MON1A: variants seen among roughly 807,000 people sequenced by gnomAD.
The protein encoded by MON1A is MON1 vesicular trafficking associated A, also known as vacuolar fusion protein MON1 homolog A.
A neutral mutation model predicts 44.6 loss-of-function variants in MON1A; 29 were observed. That is an observed-to-expected ratio of 0.65 (90% CI 0.48 to 0.89). The LOEUF (loss-of-function observed/expected upper bound fraction) is 0.89. Ranked by LOEUF, MON1A falls within the 40% of genes least tolerant of loss-of-function variation. The pLI is 0.00. For synonymous variants in MON1A, 275 were observed against 316.4 expected (o/e 0.87, Z 1.39); for missense variants, 615 against 759.6 (o/e 0.81, Z 2.24).
intron 1 of MON1A, among the ~76,000 whole-genome samples, chr3:49,919,097 C>G (rs962054092): frequency 8.5e-5 from 13 of 152,164 alleles, no homozygotes; most frequent in African/African-American, 1.4e-4. Context: ...GTGGGAGAAT[C>G]ACCTGATCCC....
chr3:49,922,648 G>C (rs1410808000), intron 1 of MON1A, among the ~76,000 whole-genome samples: 1 of 148,750 alleles, frequency 6.7e-6, no homozygotes, highest in East Asian at 2.0e-4. Context: ...GGAAGGAAAA[G>C]AAGAAAGGAA....
At chr3:49,929,451 G>A in intron 1 of MON1A, 158 bp downstream of exon 1, 1 of 843,514 alleles carries the variant, frequency 1.2e-6, no homozygotes, top group Non-Finnish European at 1.9e-6. Flanking sequence ...CCCAGCTGGG[G>A]ACTAGCCGGC....
At position 49,929,616 on chromosome 3, in the gene MON1A, T is replaced by C; in HGVS notation, c.-21A>G. On this transcript the variant is annotated 5_prime_UTR_variant, in exon 1 of 6. Transcript: ENST00000296473. Reference sequence around the variant, plus strand: ...GGCTGGCAGTCAACTCACCTGTTTCTCAGAGGAGTCCAGGACGCACAGAAG... The same window carrying C: ...GGCTGGCAGTCAACTCACCTGTTTCCCAGAGGAGTCCAGGACGCACAGAAG... The C allele has an allele frequency of 1.9e-6, 3 of 1,551,538 alleles. No individual in the cohort carries two copies. The highest frequency in any genetic ancestry group is 2.6e-6 in the Non-Finnish European group (3 of 1,146,924).
chr3:49,917,324 C>T (rs1030119488), intron 1 of MON1A, among the ~76,000 whole-genome samples: 3 of 151,908 alleles, frequency 2.0e-5, no homozygotes, highest in Non-Finnish European at 2.9e-5. Flanking sequence ...CTGGCTCTGT[C>T]GCCCAGGCTG....
At chr3:49,922,857 G>A (rs974727807) in intron 1 of MON1A, among the ~76,000 whole-genome samples, 24 of 151,686 alleles carry the variant, frequency 1.6e-4, no homozygotes, top group South Asian at 8.3e-4. Flanking sequence ...GACTACAGGC[G>A]TGTGCCACCA....
chr3:49,922,275 G>A (rs1415585080), intron 1 of MON1A, among the ~76,000 whole-genome samples: 3 of 150,396 alleles, frequency 2.0e-5, no homozygotes, highest in Admixed American at 6.7e-5. Context: ...GTGAAACCCC[G>A]TCTCTATTAA....
At chr3:49,917,435 G>A (rs552305558) in intron 1 of MON1A, among the ~76,000 whole-genome samples, 7 of 152,130 alleles carry the variant, frequency 4.6e-5, no homozygotes, top group South Asian at 4.2e-4. Flanking sequence ...ATAGGCGCCC[G>A]CCACCACGCC....
intron 1 of MON1A, among the ~76,000 whole-genome samples, chr3:49,923,287 G>A (rs749395383): frequency 2.1e-5 from 3 of 141,994 alleles, no homozygotes; most frequent in Non-Finnish European, 3.1e-5. Flanking sequence ...GGTTGAGATC[G>A]CGCCACCGCA....
rs747059511 is a variant in MON1A, at chr3:49,910,069, T to A, written c.1379+50A>T. 53 of 1,522,156 alleles carry A rather than the reference T, an allele frequency of 3.5e-5. No homozygotes were observed. Among genetic ancestry groups the A allele is most frequent in the Non-Finnish European group, 4.6e-5 (52 of 1,134,944 alleles). The allele number at this position is 1,522,156 out of a possible 1,614,324, so 94.3% of individuals were successfully genotyped here. ...GCTCAGGACCAAACAGCCTCCCGAC[T>A]CCACATGTCCCTGTCCCGCTACAGC... is the stretch of plus-strand genomic sequence containing the variant. On this transcript the variant is annotated intron_variant, in intron 4 of 5. Coordinates refer to ENST00000296473, the MANE Select transcript of MON1A (RefSeq NM_032355.4). This position sits in a 1 kb window ranked among gnomAD's most constrained non-coding sequence, Gnocchi z 8.0.
In MON1A at chr3:49,910,639, T is replaced by C. The variant is rs377249548; in HGVS notation, c.859A>G (p.Ser287Gly). The C allele has an allele frequency of 9.4e-6, 15 of 1,603,526 alleles. No homozygotes were observed. The highest frequency in any genetic ancestry group is 1.2e-5 in the Non-Finnish European group (14 of 1,173,610). Residue 287 changes from serine (S) to glycine (G), a missense_variant, in exon 4 of 6, where the codon AGC (serine) becomes GGC (glycine). Ser to Gly is a moderately conservative substitution (Grantham distance 56, BLOSUM62 0). Transcript: ENST00000296473. The surrounding 1 kb of genome is among the most constrained non-coding windows in gnomAD (Gnocchi z 8.0). Reference sequence around the variant, plus strand: ...CACCGTGCCGCCCCCATCAGGAAGCTGGGGTCTCGTGCCATGAGCTGCAGC... The same window carrying C: ...CACCGTGCCGCCCCCATCAGGAAGCCGGGGTCTCGTGCCATGAGCTGCAGC... ...NLLQLMARDP[S>G]FLMGAARCLP...
intron 2 of MON1A, 123 bp downstream of exon 2, chr3:49,913,095 CAA>C (rs1262131091): frequency 2.2e-6 from 3 of 1,343,646 alleles, no homozygotes; most frequent in Non-Finnish European, 2.1e-6. Context: ...CAGAACCTGA[CAA>C]ATATCCAATG....
intron 1 of MON1A, chr3:49,916,971 G>T (rs1343911374): frequency 6.6e-6 from 1 of 152,238 alleles, no homozygotes; most frequent in Non-Finnish European, 1.5e-5. Context: ...TGGGCTCTGA[G>T]AGATGAGTCT....
At chr3:49,914,093 T>C (rs934879988) in intron 1 of MON1A, among the ~76,000 whole-genome samples, 41 of 149,160 alleles carry the variant, frequency 2.7e-4, no homozygotes, top group East Asian at 2.3e-3. Context: ...TCTTCTTCTT[T>C]TTTTTTTTTT....
intron 1 of MON1A, among the ~76,000 whole-genome samples, chr3:49,913,660 ATT>A (rs1165487319): frequency 0.099 from 11,210 of 113,494 alleles, 492 homozygotes; most frequent in African/African-American, 0.17. Context: ...TCCTTCTAGT[ATT>A]TTTTTTTTTT....
intron 1 of MON1A, among the ~76,000 whole-genome samples, chr3:49,925,269 C>G (rs2083043719): frequency 6.6e-6 from 1 of 151,972 alleles, no homozygotes; most frequent in Non-Finnish European, 1.5e-5. Flanking sequence ...CATGTGCCAC[C>G]ATGCCTGGCT....
chr3:49,925,837 T>C (rs2083047184), intron 1 of MON1A, among the ~76,000 whole-genome samples: 1 of 152,208 alleles, frequency 6.6e-6, no homozygotes, highest in African/African-American at 2.4e-5. Flanking sequence ...GAAATGCCTA[T>C]ATCCAGAATC....
chr3:49,922,893 T>C (rs533548097), intron 1 of MON1A, among the ~76,000 whole-genome samples: 2 of 151,680 alleles, frequency 1.3e-5, no homozygotes, highest in Non-Finnish European at 2.9e-5. Flanking sequence ...GTATTTTTAG[T>C]AGAGACAGGG....
At chr3:49,926,663 T>C (rs756098114) in intron 1 of MON1A, among the ~76,000 whole-genome samples, 7 of 152,170 alleles carry the variant, frequency 4.6e-5, no homozygotes, top group Non-Finnish European at 8.8e-5. Context: ...GGTCTCAGTA[T>C]GTTGTCCAGG....
chr3:49,908,914 T>A lies in MON1A; in HGVS notation c.*100A>T. ...AATGCATTCACCAACCCACAGTCCC[T>A]GCCCGCTGGCTGGGCAAGAGAGGCC... On this transcript the variant is annotated 3_prime_UTR_variant, in exon 6 of 6. Transcript: ENST00000296473. 1 of 1,417,968 alleles carries A rather than the reference T, an allele frequency of 7.1e-7. No individual in the cohort carries two copies. The highest frequency in any genetic ancestry group is 9.5e-7 in the Non-Finnish European group (1 of 1,050,676). 87.8% of individuals were successfully genotyped at this position (1,417,968 alleles called of 1,614,324 possible). A position where few individuals can be genotyped will look rare whatever the true frequency, so the allele number is the denominator to read the frequency against.
Sources: allele counts gnomAD v4.1 joint callset (sites outside exome capture counted in the v4.1 genomes callset), GRCh38; gene constraint gnomAD v4.1.1; non-coding constraint Gnocchi (gnomAD v3.1); transcripts MANE v1.5; gene names NCBI Gene and HGNC (gene_info 2026-07-23, HGNC 2026-07-21).